ADAM7: variants seen among roughly 807,000 people sequenced by gnomAD.
ADAM7 encodes the protein ADAM metallopeptidase domain 7, also known as disintegrin and metalloproteinase domain-containing protein 7.
In ADAM7, 97 loss-of-function variants were observed where a neutral mutation model predicts 102.9. That is an observed-to-expected ratio of 0.94 (90% CI 0.80 to 1.12). The LOEUF is 1.12. ADAM7 is among the 50% of genes most tolerant of loss of function. ADAM7 has a pLI of 0.00. For missense variants in ADAM7, 991 were observed against 908.7 expected (o/e 1.09, Z -1.16); for synonymous variants, 334 against 304.4 (o/e 1.10, Z -1.01).
chr8:24,444,681 TA>T (rs528819861), intron 2 of ADAM7, among the ~76,000 whole-genome samples: 95 of 143,530 alleles, frequency 6.6e-4, no homozygotes, highest in African/African-American at 1.4e-3. Flanking sequence ...GTCCAGATCG[TA>T]AAAAAAAAAA....
At chr8:24,487,013 T>C (rs1280224576) in intron 10 of ADAM7, among the ~76,000 whole-genome samples, 174 bp from the exon 11 acceptor site, 1 of 152,178 alleles carries the variant, frequency 6.6e-6, no homozygotes. Context: ...GGGTTTCTTA[T>C]ACAATTAAGG....
At chr8:24,492,885 C>G (rs1820414020) in intron 15 of ADAM7, among the ~76,000 whole-genome samples, 158 bp from the exon 16 acceptor site, 1 of 152,128 alleles carries the variant, frequency 6.6e-6, no homozygotes. Flanking sequence ...TTCCCAGGGC[C>G]AAGACTTTGC....
At chr8:24,445,386 C>A (rs1818518184) in intron 2 of ADAM7, among the ~76,000 whole-genome samples, 1 of 152,176 alleles carries the variant, frequency 6.6e-6, no homozygotes, top group Non-Finnish European at 1.5e-5. Flanking sequence ...ACACAAAACT[C>A]TCCTTCCCAA....
At chr8:24,470,588 T>C (rs894845406) in intron 7 of ADAM7, among the ~76,000 whole-genome samples, 1 of 152,084 alleles carries the variant, frequency 6.6e-6, no homozygotes, top group Non-Finnish European at 1.5e-5. Context: ...ACCACATATA[T>C]GAAAGTGGTT....
At chr8:24,483,239 A>T (rs999268792) in intron 9 of ADAM7, among the ~76,000 whole-genome samples, 1 of 152,170 alleles carries the variant, frequency 6.6e-6, no homozygotes, top group African/African-American at 2.4e-5. Context: ...CTTAGCCCAG[A>T]GGAAAAGGAT....
rs1241371013 is a variant in ADAM7, at chr8:24,442,583, G to A, written c.156+7G>A. 1.9e-6 allele frequency: 3 copies of A among 1,603,784 alleles called. No homozygotes were observed. Among genetic ancestry groups the A allele is most frequent in the Non-Finnish European group, 8.5e-7 (1 of 1,170,538 alleles). ...CCATGATGATGACATACTGGTACAAGTTTTGATTTAGTAAATAAGATTTGT... is the reference window on the plus strand; with the variant it reads ...CCATGATGATGACATACTGGTACAAATTTTGATTTAGTAAATAAGATTTGT... On this transcript the variant is annotated splice_region_variant and intron_variant, in intron 2 of 21. Transcript: ENST00000175238.
In ADAM7 at chr8:24,476,446, G is replaced by T. The variant is rs1424478689; in HGVS notation, c.647G>T (p.Gly216Val). Reference protein sequence around the residue: ...VADDTVYRRNGHPHNKLRNRI... With the variant: ...VADDTVYRRNVHPHNKLRNRI... Reference sequence around the variant, plus strand: ...TTATATTTCCAGTATCGCAGAAATGGTCATCCTCACAATAAACTAAGGAAC... The same window carrying T: ...TTATATTTCCAGTATCGCAGAAATGTTCATCCTCACAATAAACTAAGGAAC... Residue 216 changes from glycine to valine, a missense_variant, in exon 8 of 22, where the codon GGT becomes GTT. Physicochemically the swap from Gly to Val is moderately radical, Grantham distance 109. Coordinates refer to ENST00000175238, the MANE Select transcript of ADAM7 (RefSeq NM_003817.4). The T allele has an allele frequency of 6.2e-7, 1 of 1,604,590 alleles. No homozygotes were observed. The highest frequency in any genetic ancestry group is 8.5e-7 in the Non-Finnish European group (1 of 1,173,702).
At chr8:24,507,067 G>A (rs563462616) in intron 20 of ADAM7, among the ~76,000 whole-genome samples, 4 of 152,240 alleles carry the variant, frequency 2.6e-5, no homozygotes, top group African/African-American at 9.6e-5. Flanking sequence ...ACAGCTGGGG[G>A]AGTTGTATGA....
At position 24,493,163 on chromosome 8, in the gene ADAM7, T is replaced by A. The variant is rs376369964; in HGVS notation, c.1776T>A (p.Ile592=). Residue 592 remains isoleucine, a synonymous_variant, in exon 16 of 22, where the codon ATT becomes ATA. Coordinates refer to ENST00000175238, the MANE Select transcript of ADAM7 (RefSeq NM_003817.4). ...ATGCTACTGTCAAATGCAAAACTAT[T>A]TTTTTATACCATGATTCTACAGACA... ...QKNATVKCKT[I]FLYHDSTDIG... is the part of the protein sequence containing the mutation. 8.9e-5 allele frequency: 144 copies of A among 1,613,278 alleles called. 1 individual carries two copies. Among genetic ancestry groups the A allele is most frequent in the Admixed American group, 5.3e-4 (32 of 59,920 alleles).
intron 20 of ADAM7, among the ~76,000 whole-genome samples, chr8:24,506,478 C>T (rs929444709): frequency 1.3e-5 from 2 of 152,092 alleles, no homozygotes; most frequent in African/African-American, 2.4e-5. Context: ...TAAACTAACA[C>T]ATTAGCACAA....
At chr8:24,448,077 ACT>A (rs1449220807) in intron 3 of ADAM7, among the ~76,000 whole-genome samples, 1 of 151,958 alleles carries the variant, frequency 6.6e-6, no homozygotes, top group Non-Finnish European at 1.5e-5. Flanking sequence ...ATACATTTAG[ACT>A]CTGCATATTT....
chr8:24,451,546 C>G (rs1346975068), intron 3 of ADAM7, among the ~76,000 whole-genome samples: 5 of 152,134 alleles, frequency 3.3e-5, no homozygotes, highest in African/African-American at 1.2e-4. Flanking sequence ...CTCGTTTCTT[C>G]TTTATTAGTC....
intron 20 of ADAM7, among the ~76,000 whole-genome samples, chr8:24,502,281 A>C (rs1234221061): frequency 6.6e-6 from 1 of 152,108 alleles, no homozygotes; most frequent in African/African-American, 2.4e-5. Context: ...CAGTAGAGGA[A>C]AATGTATAGC....
At chr8:24,499,968 G>A (rs1172671838) in intron 17 of ADAM7, among the ~76,000 whole-genome samples, 3 of 151,952 alleles carry the variant, frequency 2.0e-5, no homozygotes, top group African/African-American at 4.8e-5. Flanking sequence ...CTTATTCACA[G>A]GCCGTTTTCA....
In ADAM7 at chr8:24,483,835, G is replaced by T. The variant is rs115023170; in HGVS notation, c.876-1442G>T. Among the ~76,000 whole-genome samples the T allele has an allele frequency of 6.9e-3, 1,045 of 152,270 alleles. 9 individuals are homozygous for T. The highest frequency in any genetic ancestry group is 0.024 in the African/African-American group (1,001 of 41,544). ...TAAAACCAAAAGTATTTGAATGGGT[G>T]TAAGTAGAAAACTTTTAACTACTTT... On this transcript the variant is annotated intron_variant, in intron 9 of 21. Transcript: ENST00000175238.
intron 8 of ADAM7, among the ~76,000 whole-genome samples, chr8:24,481,471 C>T (rs761040102): frequency 6.6e-6 from 1 of 152,110 alleles, no homozygotes; most frequent in East Asian, 1.9e-4. Flanking sequence ...AAAACTGATA[C>T]AACACATAGT....
At chr8:24,492,188 T>C in intron 14 of ADAM7, 90 bp downstream of exon 14, 1 of 1,259,536 alleles carries the variant, frequency 7.9e-7, no homozygotes, top group Non-Finnish European at 1.1e-6. Context: ...AGATCAGATA[T>C]AATGTCATTT....
intron 2 of ADAM7, 137 bp downstream of exon 2, chr8:24,442,713 T>C (rs1818417177): frequency 5.8e-6 from 4 of 687,836 alleles, no homozygotes; most frequent in South Asian, 3.4e-5. Flanking sequence ...ATACACCATG[T>C]GCTTGGGAAT....
At chr8:24,449,508 C>A (rs1174673305) in intron 3 of ADAM7, among the ~76,000 whole-genome samples, 1 of 151,858 alleles carries the variant, frequency 6.6e-6, no homozygotes, top group Non-Finnish European at 1.5e-5. Flanking sequence ...TTGTTTTTTT[C>A]TTGTAAATTT....
Sources: allele counts gnomAD v4.1 joint callset (sites outside exome capture counted in the v4.1 genomes callset), GRCh38; gene constraint gnomAD v4.1.1; transcripts MANE v1.5; gene names NCBI Gene and HGNC (gene_info 2026-07-23, HGNC 2026-07-21).